Variants in TCF7L2 observed in about 807,000 individuals in gnomAD.
The protein encoded by TCF7L2 is transcription factor 7 like 2.
TCF7L2 carries 23 observed loss-of-function variants against 77.9 expected under a neutral mutation model. That is an observed-to-expected ratio of 0.30 (90% CI 0.21 to 0.42). The LOEUF (loss-of-function observed/expected upper bound fraction) is 0.42, where lower values mean the gene tolerates loss of function less well. TCF7L2 is among the 10% of genes least tolerant of loss of function. TCF7L2 has a pLI of 1.00. For synonymous variants in TCF7L2, 413 were observed against 340.2 expected (o/e 1.21, Z -2.36); for missense variants, 654 against 793.1 (o/e 0.82, Z 2.11).
At chr10:113,138,917 C>T (rs543752022) in intron 5 of TCF7L2, among the ~76,000 whole-genome samples, 17 of 152,232 alleles carry the variant, frequency 1.1e-4, no homozygotes, top group African/African-American at 2.9e-4. Context: ...AAAAGCATCC[C>T]GGGAGATGCT....
chr10:113,126,314 G>A (rs1246991346), intron 5 of TCF7L2, among the ~76,000 whole-genome samples: 3 of 152,066 alleles, frequency 2.0e-5, no homozygotes, highest in Non-Finnish European at 4.4e-5. Context: ...GGAGTGAAGT[G>A]GTCCCTCCAA....
In TCF7L2 at chr10:112,951,620, G is replaced by A. The variant is rs764338694; in HGVS notation, c.381+13G>A. The A allele has an allele frequency of 2.5e-6, 3 of 1,193,844 alleles. No individual in the cohort carries two copies. Among genetic ancestry groups the A allele is most frequent in the Middle Eastern group, 2.5e-4 (1 of 4,042 alleles). The allele number at this position is 1,193,844 out of a possible 1,614,324, so 74.0% of individuals were successfully genotyped here. On this transcript the variant is annotated intron_variant, in intron 3 of 13. Transcript: ENST00000627217. The stretch of plus-strand genomic sequence containing the variant: ...CACCGCCCGAACCGTAAGTGCCTCC[G>A]CGCCCGGCCCCCGCCCGCTGCCCGC...
At chr10:113,068,283 T>C (rs1274104045) in intron 5 of TCF7L2, among the ~76,000 whole-genome samples, 1 of 152,232 alleles carries the variant, frequency 6.6e-6, no homozygotes, top group Non-Finnish European at 1.5e-5. Context: ...AAAAGGCTGC[T>C]GGAGCCGCTG....
At chr10:113,121,224 T>C (rs1564922105) in intron 5 of TCF7L2, among the ~76,000 whole-genome samples, 1 of 152,168 alleles carries the variant, frequency 6.6e-6, no homozygotes, top group Non-Finnish European at 1.5e-5. Flanking sequence ...CTGGCAGGGA[T>C]AGGAATGGAG....
intron 4 of TCF7L2, among the ~76,000 whole-genome samples, chr10:112,975,759 G>A (rs1416055428): frequency 6.6e-6 from 1 of 152,220 alleles, no homozygotes; most frequent in Non-Finnish European, 1.5e-5. Flanking sequence ...TGGGATTACA[G>A]GCGTGAGCCG....
intron 13 of TCF7L2, chr10:113,161,652 C>T (rs923197226): frequency 6.5e-7 from 1 of 1,530,134 alleles, no homozygotes; most frequent in African/African-American, 1.4e-5. Flanking sequence ...TAGTGCCTCC[C>T]TCGTCACGTG....
In TCF7L2 at chr10:113,165,983, G is replaced by T; in HGVS notation, c.*11G>T. ...AAGTCTTTAGAATAGCTTTAGCGTC[G>T]TGAACCCCGCTGCTTTGTTTATGGT... is the stretch of plus-strand genomic sequence containing the variant. On this transcript the variant is annotated 3_prime_UTR_variant, in exon 14 of 14. Transcript: ENST00000627217. 6.7e-7 allele frequency: 1 copy of T among 1,487,712 alleles called. No individual in the cohort carries two copies. Among genetic ancestry groups the T allele is most frequent in the Non-Finnish European group, 9.0e-7 (1 of 1,116,958 alleles). 92.2% of individuals were successfully genotyped at this position (1,487,712 alleles called of 1,614,324 possible).
At chr10:113,022,539 G>C (rs945217244) in intron 4 of TCF7L2, among the ~76,000 whole-genome samples, 1 of 152,176 alleles carries the variant, frequency 6.6e-6, no homozygotes, top group Non-Finnish European at 1.5e-5. Context: ...TGGTCACTCT[G>C]CTTTACTTAG....
At chr10:113,156,248 G>A (rs1363916681) in intron 11 of TCF7L2, among the ~76,000 whole-genome samples, 1 of 151,886 alleles carries the variant, frequency 6.6e-6, no homozygotes, top group Non-Finnish European at 1.5e-5. Context: ...CCCAGTAGCT[G>A]GGACTACAGA....
At chr10:113,064,333 A>T (rs901836998) in intron 5 of TCF7L2, among the ~76,000 whole-genome samples, 1 of 152,200 alleles carries the variant, frequency 6.6e-6, no homozygotes, top group African/African-American at 2.4e-5. Context: ...GTTGGTGAAC[A>T]TGTAAATGCG....
chr10:113,071,039 C>T (rs1390544546), intron 5 of TCF7L2, among the ~76,000 whole-genome samples: 7 of 152,224 alleles, frequency 4.6e-5, no homozygotes, highest in Middle Eastern at 3.4e-3. Flanking sequence ...ATCATAGGCC[C>T]GTGGTCTTTT....
At chr10:113,111,093 A>G (rs528318467) in intron 5 of TCF7L2, among the ~76,000 whole-genome samples, 1 of 151,198 alleles carries the variant, frequency 6.6e-6, no homozygotes, top group South Asian at 2.1e-4. Flanking sequence ...TCTCTAGCAT[A>G]TAAATCAAGC....
At chr10:112,990,855 AC>A (rs1268274200) in intron 4 of TCF7L2, among the ~76,000 whole-genome samples, 1 of 152,212 alleles carries the variant, frequency 6.6e-6, no homozygotes, top group Non-Finnish European at 1.5e-5. Flanking sequence ...GCCAAGACAG[AC>A]CGTTTGATGG....
rs778543046 is a variant in TCF7L2 at position 113,141,341 on chromosome 10, G to A, written c.685+25G>A. On this transcript the variant is annotated intron_variant, in intron 6 of 13. Coordinates refer to ENST00000627217, the MANE Select transcript of TCF7L2 (RefSeq NM_001146274.2). The stretch of plus-strand genomic sequence containing the variant: ...GGTAGGCTGTGGGCTACGGAGCCAA[G>A]GTAGAGTGCTGGTCCTGGGGTTCTG... 9.3e-6 allele frequency: 15 copies of A among 1,613,908 alleles called. No individual in the cohort carries two copies. In the African/African-American group the frequency reaches 1.9e-4, roughly 20 times the overall value.
At chr10:113,147,525 T>G (rs1314901185) in intron 8 of TCF7L2, among the ~76,000 whole-genome samples, 1 of 152,212 alleles carries the variant, frequency 6.6e-6, no homozygotes, top group Non-Finnish European at 1.5e-5. Context: ...AACGCTCGTG[T>G]GTTCTCTGGC....
intron 5 of TCF7L2, among the ~76,000 whole-genome samples, chr10:113,098,053 A>C (rs1166331777): frequency 2.0e-5 from 3 of 148,142 alleles, no homozygotes; most frequent in Non-Finnish European, 3.0e-5. Flanking sequence ...CTGTCTCAAA[A>C]AAAAAAAAAA....
At chr10:113,051,667 T>TA (rs2054504425) in intron 5 of TCF7L2, among the ~76,000 whole-genome samples, 1 of 152,240 alleles carries the variant, frequency 6.6e-6, no homozygotes, top group Non-Finnish European at 1.5e-5. Flanking sequence ...AAATGATTTC[T>TA]AAAGAGAGGC....
Position 113,166,875 on chromosome 10 carries a change from C to T in TCF7L2, c.*903C>T, listed in dbSNP as rs1157397004. On this transcript the variant is annotated 3_prime_UTR_variant, in exon 14 of 14. Transcript: ENST00000627217. ...GTCACCAAATGGACATTAATAGTTG[C>T]ATTAAGGATCAGTAGCATTAACAAA... 1 of 226,656 alleles carries T rather than the reference C, an allele frequency of 4.4e-6. No homozygotes were observed. The highest frequency in any genetic ancestry group is 2.2e-5 in the African/African-American group (1 of 44,802). 14.0% of individuals were successfully genotyped at this position (226,656 alleles called of 1,614,324 possible).
rs138558036 is a variant in TCF7L2 at position 112,982,356 on chromosome 10, G to C, written c.450+17732G>C. Among the ~76,000 whole-genome samples, 65 of 152,240 alleles carry C rather than the reference G, an allele frequency of 4.3e-4. 3 individuals are homozygous for C. The highest frequency in any genetic ancestry group is 4.1e-3 in the Admixed American group (63 of 15,294). ...AGACTGGCCTATCACGGGGATTCAT[G>C]TGAGGCTCTGTCACAGGGGCCTAGT... On this transcript the variant is annotated intron_variant, in intron 4 of 13. Coordinates refer to ENST00000627217, the MANE Select transcript of TCF7L2 (RefSeq NM_001146274.2).
Sources: allele counts gnomAD v4.1 joint callset (sites outside exome capture counted in the v4.1 genomes callset), GRCh38; gene constraint gnomAD v4.1.1; transcripts MANE v1.5; gene names NCBI Gene and HGNC (gene_info 2026-07-23, HGNC 2026-07-21).